Variants in CALD1 observed in about 807,000 individuals in gnomAD.
CALD1 encodes caldesmon 1.
A neutral mutation model predicts 99.9 loss-of-function variants in CALD1; 33 were observed. The observed-to-expected ratio is 0.33, with a 90% CI of 0.25 to 0.44. The LOEUF is 0.44. CALD1 is among the 20% of genes least tolerant of loss of function. The probability of loss-of-function intolerance (pLI) is 1.00; values close to 1 mark genes in which losing one functional copy is unlikely to be tolerated. For missense variants in CALD1, 861 were observed against 962.1 expected (o/e 0.89, Z 1.39); for synonymous variants, 310 against 325.0 (o/e 0.95, Z 0.50).
chr7:134,909,360 T>C (rs1057343391), intron 3 of CALD1, among the ~76,000 whole-genome samples: 2 of 152,224 alleles, frequency 1.3e-5, no homozygotes, highest in South Asian at 4.1e-4. Flanking sequence ...GGATATTTCA[T>C]TACCAAGGAA....
In CALD1 at chr7:134,968,664, C is replaced by G. The variant is rs146819597; in HGVS notation, c.*319C>G. ...CCACATCTGAAGTCAACAGAAGATC[C>G]AAGTTTAAAATTGCCTGCGGAATGT... is the stretch of plus-strand genomic sequence containing the variant. On this transcript the variant is annotated 3_prime_UTR_variant, in exon 15 of 15. Coordinates refer to ENST00000361675, the MANE Select transcript of CALD1 (RefSeq NM_033138.4). The G allele has an allele frequency of 1.8e-6, 1 of 567,110 alleles. No homozygotes were observed. The highest frequency in any genetic ancestry group is 3.3e-6 in the Non-Finnish European group (1 of 301,264). The allele number at this position is 567,110 out of a possible 1,614,324, so 35.1% of individuals were successfully genotyped here. A position where few individuals can be genotyped will look rare whatever the true frequency, so the allele number is the denominator to read the frequency against.
At chr7:134,947,456 G>C in intron 7 of CALD1, 52 bp from the exon 8 acceptor site, 1 of 1,523,082 alleles carries the variant, frequency 6.6e-7, no homozygotes, top group Admixed American at 2.0e-5. Flanking sequence ...TTCCTCCAGG[G>C]AGACTACAGG....
chr7:134,764,707 C>G (rs115895931), intron 1 of CALD1, among the ~76,000 whole-genome samples: 1 of 151,924 alleles, frequency 6.6e-6, no homozygotes, highest in East Asian at 1.9e-4. Context: ...GTAAGTTGTC[C>G]GAGAAAGGGT....
intron 7 of CALD1, chr7:134,944,667 T>C (rs1483474606): frequency 6.6e-6 from 1 of 152,180 alleles, no homozygotes; most frequent in Non-Finnish European, 1.5e-5. Flanking sequence ...GGTGTGATAA[T>C]TCCTTTGTTC....
At chr7:134,900,599 G>A (rs1289330090) in intron 3 of CALD1, among the ~76,000 whole-genome samples, 2 of 152,018 alleles carry the variant, frequency 1.3e-5, no homozygotes, top group African/African-American at 4.8e-5. Context: ...AGAAACTGGG[G>A]CCCGATATGC....
At chr7:134,916,149 G>A (rs1586295157) in intron 3 of CALD1, among the ~76,000 whole-genome samples, 2 of 152,188 alleles carry the variant, frequency 1.3e-5, no homozygotes, top group African/African-American at 2.4e-5. Flanking sequence ...CACATGGAGT[G>A]GGGGTATGAG....
At chr7:134,880,910 A>G (rs1048690741) in intron 3 of CALD1, among the ~76,000 whole-genome samples, 2 of 152,304 alleles carry the variant, frequency 1.3e-5, no homozygotes, top group Admixed American at 1.3e-4. Flanking sequence ...TGAACTGAAC[A>G]GAATGAAGTT....
intron 1 of CALD1, among the ~76,000 whole-genome samples, chr7:134,750,583 T>C (rs1796677872): frequency 6.6e-6 from 1 of 152,174 alleles, no homozygotes; most frequent in Non-Finnish European, 1.5e-5. Flanking sequence ...TGACTATGTT[T>C]ATCCTTTCCA....
chr7:134,844,852 C>T (rs1211126253), intron 2 of CALD1, among the ~76,000 whole-genome samples: 2 of 152,172 alleles, frequency 1.3e-5, no homozygotes, highest in Non-Finnish European at 2.9e-5. Context: ...ATTTCCTCTT[C>T]TTGTAAAAAC....
At position 134,782,302 on chromosome 7, in the gene CALD1, AAGG is replaced by A. The variant is rs142652859; in HGVS notation, c.-130+2560_-130+2562del. Among the ~76,000 whole-genome samples the A allele has an allele frequency of 3.3e-3, 504 of 152,328 alleles. 2 individuals are homozygous for A. The highest frequency in any genetic ancestry group is 0.012 in the African/African-American group (484 of 41,578). On this transcript the variant is annotated intron_variant, in intron 1 of 14. Coordinates refer to ENST00000361675, the MANE Select transcript of CALD1 (RefSeq NM_033138.4). Reference sequence around the variant, plus strand: ...GGTATGCAAATAGCATGGTAGGACTAAGGAGGAGGTTAGAAAGATGCTGCCAAA... The same window carrying A: ...GGTATGCAAATAGCATGGTAGGACTAAGGAGGTTAGAAAGATGCTGCCAAA...
chr7:134,848,194 C>T (rs575522745), intron 2 of CALD1, among the ~76,000 whole-genome samples: 2 of 151,880 alleles, frequency 1.3e-5, no homozygotes, highest in African/African-American at 2.4e-5. Context: ...TTTTAATAGA[C>T]GTTTCCTAGA....
intron 2 of CALD1, among the ~76,000 whole-genome samples, chr7:134,855,328 G>A (rs1800253039): frequency 2.0e-5 from 3 of 152,190 alleles, no homozygotes; most frequent in Admixed American, 2.0e-4. Context: ...GGGGTACGAA[G>A]GTGGATTCAT....
intron 3 of CALD1, among the ~76,000 whole-genome samples, chr7:134,887,555 G>A (rs763038926): frequency 1.3e-5 from 2 of 152,196 alleles, no homozygotes; most frequent in African/African-American, 2.4e-5. Flanking sequence ...TGTTTCCATA[G>A]TAAGTGAATG....
At position 134,950,382 on chromosome 7, in the gene CALD1, G is replaced by A. The variant is rs373688500; in HGVS notation, c.1803G>A (p.Lys601=). 11 of 1,613,980 alleles carry A rather than the reference G, an allele frequency of 6.8e-6. No individual in the cohort carries two copies. The highest frequency in any genetic ancestry group is 6.7e-5 in the Admixed American group (4 of 60,002). The change falls in exon 9 of 15, where the codon AAG becomes AAA. Residue 601 remains lysine, a synonymous_variant. Transcript: ENST00000361675. ...ADRKLREEEE[K]RRLKEEIERR... Reference sequence around the variant, plus strand: ...TGTTCTTTCTCTCTTAGGAAGAGAAGAGGAGGCTAAAGGAAGAGATTGAAA... The same window carrying A: ...TGTTCTTTCTCTCTTAGGAAGAGAAAAGGAGGCTAAAGGAAGAGATTGAAA...
At chr7:134,733,091 C>T in the CALD1 span, among the ~76,000 whole-genome samples, 1 of 152,214 alleles carries the variant, frequency 6.6e-6, no homozygotes, top group Non-Finnish European at 1.5e-5. Context: ...CTTCTCCTCT[C>T]CTCTTGAGCG....
At chr7:134,889,100 G>A (rs371460784) in intron 3 of CALD1, among the ~76,000 whole-genome samples, 2 of 152,170 alleles carry the variant, frequency 1.3e-5, no homozygotes, top group South Asian at 2.1e-4. Context: ...TAGCTTTCTC[G>A]CATGGCTGCG....
intron 3 of CALD1, chr7:134,891,752 A>T: frequency 1.1e-6 from 1 of 927,836 alleles, no homozygotes. Flanking sequence ...TTGTAAAAAA[A>T]AAAAAAAAAA....
chr7:134,966,913 G>A (rs768900968), intron 14 of CALD1, among the ~76,000 whole-genome samples: 4 of 151,950 alleles, frequency 2.6e-5, no homozygotes, highest in Admixed American at 6.6e-5. Context: ...TGGTTCCCAG[G>A]AAGACATTCT....
At position 134,896,333 on chromosome 7, in the gene CALD1, A is replaced by G. The variant is rs1325219822; in HGVS notation, c.71+28529A>G. Among the ~76,000 whole-genome samples, 3 of 85,276 alleles carry G rather than the reference A, an allele frequency of 3.5e-5. No individual in the cohort carries two copies. In the East Asian group the frequency reaches 1.0e-3, roughly 29 times the overall value. 55.9% of individuals were successfully genotyped at this position (85,276 alleles called of 152,430 possible). ...TGGCACTGGGAAACAAGCATTTTGC[A>G]TTTCTAACACTGACCAATTTGTCTA... On this transcript the variant is annotated intron_variant, in intron 3 of 14. Coordinates refer to ENST00000361675, the MANE Select transcript of CALD1 (RefSeq NM_033138.4).
Sources: allele counts gnomAD v4.1 joint callset (sites outside exome capture counted in the v4.1 genomes callset), GRCh38; gene constraint gnomAD v4.1.1; transcripts MANE v1.5; gene names NCBI Gene and HGNC (gene_info 2026-07-23, HGNC 2026-07-21).